Variants in DNAH2 observed in about 807,000 individuals in gnomAD.
The protein encoded by DNAH2 is dynein axonemal heavy chain 2, also known as axonemal beta dynein heavy chain 2.
Under a neutral mutation model 523.5 loss-of-function variants are expected in DNAH2, and 323 were observed. That is an observed-to-expected ratio of 0.62 (90% confidence interval 0.56 to 0.68). The LOEUF (loss-of-function observed/expected upper bound fraction) is 0.68, where lower values mean the gene tolerates loss of function less well. Among genes scored for constraint, DNAH2 ranks in the 30% least tolerant of loss-of-function variants. The pLI, the probability that DNAH2 is intolerant of heterozygous loss-of-function variation, is 0.00. For missense variants in DNAH2, 4,907 were observed against 5,701.5 expected (o/e 0.86, Z 4.49); for synonymous variants, 2,093 against 2,177.4 (o/e 0.96, Z 1.08).
At position 7,786,910 on chromosome 17, in the gene DNAH2, C is replaced by G. The variant is rs375498621; in HGVS notation, c.6480C>G (p.Asp2160Glu). ...CCATCTACTCAGATGAGAAACCCGA[C>G]GAGAAGTGGATCCTGTTCGATGGCC... The part of the protein sequence containing the change: ...MRTACADEKP[D>E]EKWILFDGPV... Residue 2160 changes from aspartate to glutamate, a missense_variant, in exon 42 of 86, where the codon GAC becomes GAG. Physicochemically the swap from Asp to Glu is conservative, Grantham distance 45. This residue lies in a region of DNAH2 where 2,806 missense variants were observed against 3,190.8 expected (regional missense o/e 0.88). Coordinates refer to ENST00000572933, the MANE Select transcript of DNAH2 (RefSeq NM_020877.5). This position sits in a 1 kb window ranked among gnomAD's most constrained non-coding sequence, Gnocchi z 7.5. The G allele has an allele frequency of 6.2e-7, 1 of 1,614,244 alleles. No homozygotes were observed.
rs113638848 is a variant in DNAH2, at chr17:7,727,205, C to T, written c.312C>T (p.His104=). 2 of 1,609,154 alleles carry T rather than the reference C, an allele frequency of 1.2e-6. No individual in the cohort carries two copies. Among genetic ancestry groups the T allele is most frequent in the Non-Finnish European group, 8.5e-7 (1 of 1,178,178 alleles). Residue 104 remains histidine (H), a synonymous_variant, in exon 4 of 86, where the codon CAC becomes CAT. Coordinates refer to ENST00000572933, the MANE Select transcript of DNAH2 (RefSeq NM_020877.5). ...WTQEHDAILE[H]FAQDPTESIL... is the part of the protein sequence containing the mutation. ...AGGAGCATGATGCCATTCTGGAACACTTTGCCCAGGACCCTACAGAATCCA... is the reference window on the plus strand; with the variant it reads ...AGGAGCATGATGCCATTCTGGAACATTTTGCCCAGGACCCTACAGAATCCA...
intron 12 of DNAH2, among the ~76,000 whole-genome samples, chr17:7,745,793 CA>C (rs5819164): frequency 0.74 from 92,006 of 124,132 alleles, 32,641 homozygotes; most frequent in East Asian, 0.97. Context: ...CTGTCTCAAA[CA>C]AAAAAAAAAA....
chr17:7,827,737 C>T (rs940777271), intron 77 of DNAH2, among the ~76,000 whole-genome samples: 15 of 131,008 alleles, frequency 1.1e-4, no homozygotes, highest in African/African-American at 4.3e-4. Flanking sequence ...TCAGCCACTG[C>T]GCCCAGCCAA....
chr17:7,756,696 T>C (rs1489242388), intron 12 of DNAH2, among the ~76,000 whole-genome samples: 1 of 151,776 alleles, frequency 6.6e-6, no homozygotes, highest in African/African-American at 2.4e-5. Flanking sequence ...GATTATTGTT[T>C]TAGAGACAGG....
chr17:7,806,742 AC>A (rs1228780082), intron 61 of DNAH2, among the ~76,000 whole-genome samples: 1 of 151,520 alleles, frequency 6.6e-6, no homozygotes, highest in East Asian at 1.9e-4. Flanking sequence ...CCAGAGGGGA[AC>A]AAGAATCAGA....
rs1268514552 is a variant in DNAH2, at chr17:7,754,647, G to A, written c.1905-2444G>A. The A allele has an allele frequency of 9.2e-6, 13 of 1,408,492 alleles. No homozygotes were observed. Among genetic ancestry groups the A allele is most frequent in the African/African-American group, 1.4e-5 (1 of 71,460 alleles). 87.2% of individuals were successfully genotyped at this position (1,408,492 alleles called of 1,614,324 possible). A position where few individuals can be genotyped will look rare whatever the true frequency, so the allele number is the denominator to read the frequency against. On this transcript the variant is annotated intron_variant, in intron 12 of 85. Transcript: ENST00000572933. The surrounding 1 kb of genome is among the most constrained non-coding windows in gnomAD (Gnocchi z 4.6). The stretch of plus-strand genomic sequence containing the variant: ...GGAGGTTAAGCCCAAGATCCCAAAG[G>A]GTGTCAGCCATAAACTTGATCGACT...
chr17:7,727,101 C>G, intron 3 of DNAH2, 21 bp from the exon 4 acceptor site: 14 of 1,519,880 alleles, frequency 9.2e-6, no homozygotes, highest in Non-Finnish European at 1.2e-5. Flanking sequence ...GTTACTTTGG[C>G]CCTCTGCTCT....
At chr17:7,824,092 G>A (rs1236662660) in intron 75 of DNAH2, 29 bp from the exon 76 acceptor site, 1 of 1,567,720 alleles carries the variant, frequency 6.4e-7, no homozygotes, top group Admixed American at 1.7e-5. Flanking sequence ...GTGGCCTTCT[G>A]CCTGATGCTA....
At chr17:7,737,322 G>C (rs1169089453) in intron 8 of DNAH2, 64 bp downstream of exon 8, 7 of 1,532,552 alleles carry the variant, frequency 4.6e-6, no homozygotes, top group Non-Finnish European at 6.3e-6. Flanking sequence ...CTGAAGCAGG[G>C]GGAATGCATT....
At chr17:7,801,475 G>A (rs989873026) in intron 56 of DNAH2, 103 bp from the exon 57 acceptor site, 73 of 1,514,830 alleles carry the variant, frequency 4.8e-5, no homozygotes, top group Non-Finnish European at 6.3e-5. Context: ...AGGGGATGGG[G>A]CATTTTAGGT....
At chr17:7,744,254 A>AT (rs1251728381) in intron 12 of DNAH2, among the ~76,000 whole-genome samples, 1 of 144,538 alleles carries the variant, frequency 6.9e-6, no homozygotes, top group Non-Finnish European at 1.5e-5. Flanking sequence ...AGATCACGCC[A>AT]TTGCACTCCA....
Position 7,778,075 on chromosome 17 carries a change from A to G in DNAH2, c.5248-2A>G, listed in dbSNP as rs1371206634. On this transcript the variant is annotated splice_acceptor_variant, in intron 33 of 85. Coordinates refer to ENST00000572933, the MANE Select transcript of DNAH2 (RefSeq NM_020877.5). LOFTEE classifies it high-confidence loss of function. ...TCTCTTTTTCTGCGCTGTTTTCCCCAGGATCTTGATGACTGTGTCATCCGC... is the reference window on the plus strand; with the variant it reads ...TCTCTTTTTCTGCGCTGTTTTCCCCGGGATCTTGATGACTGTGTCATCCGC... 1 of 1,612,498 alleles carries G rather than the reference A, an allele frequency of 6.2e-7. No individual in the cohort carries two copies. The highest frequency in any genetic ancestry group is 1.3e-5 in the African/African-American group (1 of 74,870).
At chr17:7,734,920 A>G (rs2075098546) in intron 7 of DNAH2, among the ~76,000 whole-genome samples, 1 of 151,804 alleles carries the variant, frequency 6.6e-6, no homozygotes, top group Non-Finnish European at 1.5e-5. Context: ...ATAAATATAC[A>G]TCAAGTACCT....
Position 7,833,417 on chromosome 17 carries a change from G to A in DNAH2, c.13168G>A (p.Ala4390Thr), listed in dbSNP as rs1190796558. 6.2e-7 allele frequency: 1 copy of A among 1,614,128 alleles called. No individual in the cohort carries two copies. The highest frequency in any genetic ancestry group is 8.5e-7 in the Non-Finnish European group (1 of 1,180,020). The change falls in exon 86 of 86, where the codon GCA (alanine) becomes ACA (threonine). Residue 4390 changes from alanine (A) to threonine (T), a missense_variant. Ala to Thr is a moderately conservative substitution (Grantham distance 58). Transcript: ENST00000572933. Reference sequence around the variant, plus strand: ...CCCCTGCTATTACTATCCCAACCGGGCAGGCAGCTCAGACCGAGCCTCCTT... The same window carrying A: ...CCCCTGCTATTACTATCCCAACCGGACAGGCAGCTCAGACCGAGCCTCCTT... ...SCPCYYYPNR[A>T]GSSDRASFVI... is the part of the protein sequence containing the mutation.
rs2077752440 is a variant in DNAH2, at chr17:7,818,560, G to A, written c.10537-83G>A. The A allele has an allele frequency of 2.5e-6, 4 of 1,602,344 alleles. No homozygotes were observed. In the South Asian group the frequency reaches 4.4e-5, roughly 18 times the overall value. The stretch of plus-strand genomic sequence containing the variant: ...GCTTGTGTTGGGCAGCTGAGGATGA[G>A]GGGTCTTTCAAGGTGGAAAGAGATG... On this transcript the variant is annotated intron_variant, in intron 69 of 85. Coordinates refer to ENST00000572933, the MANE Select transcript of DNAH2 (RefSeq NM_020877.5).
At chr17:7,722,391 G>C (rs1048319807) in intron 2 of DNAH2, among the ~76,000 whole-genome samples, 25 of 152,084 alleles carry the variant, frequency 1.6e-4, no homozygotes, top group Non-Finnish European at 2.8e-4. Flanking sequence ...GTGGTTTTTG[G>C]TATATTCACA....
At chr17:7,761,041 T>C (rs974606380) in intron 18 of DNAH2, 109 bp downstream of exon 18, 3 of 1,328,978 alleles carry the variant, frequency 2.3e-6, no homozygotes, top group Non-Finnish European at 3.1e-6. Context: ...GGATGACATG[T>C]GTCCTCAATG....
In DNAH2 at chr17:7,793,181, G is replaced by A. The variant is rs372245759; in HGVS notation, c.7545G>A (p.Thr2515=). The change falls in exon 48 of 86, where the codon ACG becomes ACA. Residue 2515 remains threonine, a synonymous_variant. Transcript: ENST00000572933. Reference sequence around the variant, plus strand: ...ACTATGGCTTCTGGTATGACCGTACGAAGCAGACCATCAAGTACATTCGAG... The same window carrying A: ...ACTATGGCTTCTGGTATGACCGTACAAAGCAGACCATCAAGTACATTCGAG... The part of the protein sequence containing the change: ...WIDYGFWYDR[T]KQTIKYIREM... 17 of 1,614,022 alleles carry A rather than the reference G, an allele frequency of 1.1e-5. No homozygotes were observed. Among genetic ancestry groups the A allele is most frequent in the African/African-American group, 8.0e-5 (6 of 74,916 alleles).
rs997263858 is a variant in DNAH2, at chr17:7,734,394, G to A, written c.740-76G>A. On this transcript the variant is annotated intron_variant, in intron 6 of 85. Transcript: ENST00000572933. ...GGAGTTGGGTTAGGAGGTCTCTGTCGGGGTTGCGGGGAGTGAAGGATGCTG... is the reference window on the plus strand; with the variant it reads ...GGAGTTGGGTTAGGAGGTCTCTGTCAGGGTTGCGGGGAGTGAAGGATGCTG... The A allele has an allele frequency of 1.6e-5, 25 of 1,597,000 alleles. No homozygotes were observed. In the African/African-American group the frequency reaches 2.5e-4, roughly 16 times the overall value.
Sources: gnomAD v4.1 joint callset for allele counts (sites outside exome capture counted in the v4.1 genomes callset) on GRCh38, gnomAD v4.1.1 for gene constraint, gnomAD v4.1.1 regional missense constraint, Gnocchi (gnomAD v3.1) non-coding constraint, MANE v1.5 for transcripts, NCBI Gene and HGNC (gene_info 2026-07-23, HGNC 2026-07-21) for gene names.